SUPT3H: variants seen among roughly 807,000 people sequenced by gnomAD.
The protein encoded by SUPT3H is transcription initiation protein SPT3 homolog.
SUPT3H carries 44 observed loss-of-function variants against 44.3 expected under a neutral mutation model. The observed-to-expected ratio is 0.99, with a 90% CI of 0.78 to 1.28. The LOEUF is 1.28. Ranked by LOEUF, SUPT3H falls within the 50% of genes most tolerant of loss-of-function variation. The pLI, the probability that SUPT3H is intolerant of heterozygous loss-of-function variation, is 0.00. For synonymous variants in SUPT3H, 124 were observed against 125.6 expected (o/e 0.99, Z 0.09); for missense variants, 380 against 387.1 (o/e 0.98, Z 0.15).
At chr6:45,356,831 C>A (rs1793281893) in intron 2 of SUPT3H, among the ~76,000 whole-genome samples, 1 of 152,134 alleles carries the variant, frequency 6.6e-6, no homozygotes, top group Non-Finnish European at 1.5e-5. Context: ...TCAAAATCAA[C>A]AAGATTTATT....
chr6:45,139,001 G>T (rs1025887669), intron 2 of SUPT3H, among the ~76,000 whole-genome samples: 1 of 152,104 alleles, frequency 6.6e-6, no homozygotes, highest in African/African-American at 2.4e-5. Flanking sequence ...TGGCACTGCT[G>T]TCATCTTAAA....
intron 2 of SUPT3H, chr6:45,158,894 A>G (rs1029735101): frequency 2.6e-5 from 4 of 152,202 alleles, no homozygotes; most frequent in African/African-American, 9.7e-5. Context: ...CTATCTCATC[A>G]GAAAGTGTGG....
chr6:45,309,275 G>C (rs1329740432), intron 2 of SUPT3H, among the ~76,000 whole-genome samples: 1 of 149,330 alleles, frequency 6.7e-6, no homozygotes, highest in East Asian at 1.9e-4. Flanking sequence ...TGAACTTCAA[G>C]AAAATAAATG....
intron 2 of SUPT3H, among the ~76,000 whole-genome samples, chr6:45,288,798 G>A (rs1378186532): frequency 6.6e-6 from 1 of 151,752 alleles, no homozygotes; most frequent in Non-Finnish European, 1.5e-5. Context: ...TTTTCTGACA[G>A]TTTTCACAAA....
intron 10 of SUPT3H, among the ~76,000 whole-genome samples, chr6:44,849,044 G>T (rs1302799117): frequency 2.6e-5 from 4 of 152,128 alleles, no homozygotes; most frequent in Admixed American, 2.6e-4. Flanking sequence ...AGTCATAGCT[G>T]AAGCACTGGG....
chr6:45,057,091 G>A (rs913869058), intron 3 of SUPT3H, among the ~76,000 whole-genome samples: 3 of 151,956 alleles, frequency 2.0e-5, no homozygotes, highest in African/African-American at 7.2e-5. Flanking sequence ...TTTCTAAAAC[G>A]TAAAGAATAT....
At chr6:45,245,721 T>C (rs1174087137) in intron 2 of SUPT3H, among the ~76,000 whole-genome samples, 1 of 152,174 alleles carries the variant, frequency 6.6e-6, no homozygotes, top group African/African-American at 2.4e-5. Context: ...CTTTTGGATA[T>C]TGTGAATAAT....
intron 1 of SUPT3H, among the ~76,000 whole-genome samples, chr6:45,373,545 TTG>T (rs368652949): frequency 2.2e-4 from 33 of 150,130 alleles, no homozygotes; most frequent in African/African-American, 7.3e-4. Flanking sequence ...AAAATATTAT[TTG>T]TGTGTGTGTG....
chr6:45,044,654 G>A (rs539461529), intron 3 of SUPT3H, among the ~76,000 whole-genome samples: 1 of 152,252 alleles, frequency 6.6e-6, no homozygotes, highest in Non-Finnish European at 1.5e-5. Flanking sequence ...TAGCTTGAGA[G>A]ATGGAATATA....
At position 45,187,792 on chromosome 6, in the gene SUPT3H, T is replaced by C. The variant is rs1212678482; in HGVS notation, c.102-81786A>G. 1.3e-5 allele frequency among the ~76,000 whole-genome samples: 2 copies of C among 152,206 alleles called. 1 individual carries two copies. The highest frequency in any genetic ancestry group is 2.9e-5 in the Non-Finnish European group (2 of 68,044). ...AACAGACCAATATTTCTCATGAACT[T>C]AGATGCAAAATCATCAACAAAATGT... On this transcript the variant is annotated intron_variant, in intron 2 of 10. Transcript: ENST00000371459.
chr6:44,852,058 C>T (rs1490064973), intron 10 of SUPT3H, among the ~76,000 whole-genome samples: 6 of 152,082 alleles, frequency 3.9e-5, no homozygotes, highest in South Asian at 2.1e-4. Flanking sequence ...AGGACCAATT[C>T]GTGGTAATAA....
At chr6:45,020,125 G>A (rs933675591) in intron 4 of SUPT3H, among the ~76,000 whole-genome samples, 1 of 151,866 alleles carries the variant, frequency 6.6e-6, no homozygotes, top group African/African-American at 2.4e-5. Flanking sequence ...TAGAGCTACA[G>A]ACTAAACTTT....
At chr6:44,825,445 G>T (rs556398362), downstream of SUPT3H, among the ~76,000 whole-genome samples, 1 of 152,142 alleles carries the variant, frequency 6.6e-6, no homozygotes, top group South Asian at 2.1e-4. Context: ...TACAGTCCAC[G>T]TTGTGTAACA....
At chr6:45,301,685 T>G (rs901410206) in intron 2 of SUPT3H, among the ~76,000 whole-genome samples, 3 of 152,196 alleles carry the variant, frequency 2.0e-5, no homozygotes, top group African/African-American at 7.2e-5. Context: ...ACTCTTAACA[T>G]TGTCAAATAC....
chr6:45,126,693 G>A (rs962580960), intron 2 of SUPT3H, among the ~76,000 whole-genome samples: 1 of 152,148 alleles, frequency 6.6e-6, no homozygotes, highest in Non-Finnish European at 1.5e-5. Context: ...TATCCTCTAA[G>A]GGAGAAGCCT....
At chr6:45,100,421 GAC>G (rs140753394) in intron 3 of SUPT3H, among the ~76,000 whole-genome samples, 3,096 of 150,748 alleles carry the variant, frequency 0.021, 49 homozygotes, top group Non-Finnish European at 0.03. Flanking sequence ...TCTTTCAAAA[GAC>G]ACAGTTGGGT....
intron 2 of SUPT3H, among the ~76,000 whole-genome samples, chr6:45,302,883 C>T (rs1045311106): frequency 2.0e-5 from 3 of 151,920 alleles, no homozygotes; most frequent in African/African-American, 4.8e-5. Flanking sequence ...TGGCCATTCT[C>T]GCAGGAGTAT....
chr6:45,231,862 C>T (rs2153640483), intron 2 of SUPT3H, among the ~76,000 whole-genome samples: 1 of 152,168 alleles, frequency 6.6e-6, no homozygotes, highest in East Asian at 1.9e-4. Flanking sequence ...TCTGGTTGTT[C>T]TAGTCTATTG....
intron 6 of SUPT3H, among the ~76,000 whole-genome samples, chr6:44,966,248 A>G (rs1776753409): frequency 6.6e-6 from 1 of 152,130 alleles, no homozygotes; most frequent in South Asian, 2.1e-4. Flanking sequence ...AAAAGATTCA[A>G]GGGGACAATA....
Sources: gnomAD v4.1 joint callset for allele counts (sites outside exome capture counted in the v4.1 genomes callset) on GRCh38, gnomAD v4.1.1 for gene constraint, MANE v1.5 for transcripts, NCBI Gene and HGNC (gene_info 2026-07-23, HGNC 2026-07-21) for gene names.